Variants in PARD3B observed in about 807,000 individuals in gnomAD.
PARD3B encodes partitioning defective 3 homolog B.
Under a neutral mutation model 130.2 loss-of-function variants are expected in PARD3B, and 103 were observed. The observed-to-expected ratio is 0.79, with a 90% CI of 0.67 to 0.93. The LOEUF is 0.93. PARD3B is among the 40% of genes least tolerant of loss of function. The pLI is 0.00. For missense variants in PARD3B, 1,609 were observed against 1,499.2 expected, an observed-to-expected ratio of 1.07 and a Z score of -1.21; for synonymous variants, 583 against 553.2, an observed-to-expected ratio of 1.05 and a Z score of -0.76.
Position 205,530,983 on chromosome 2 carries a change from C to A in PARD3B, c.3181-22341C>A, listed in dbSNP as rs967747885. 6.6e-6 allele frequency among the ~76,000 whole-genome samples: 1 copy of A among 152,174 alleles called. No individual in the cohort carries two copies. The highest frequency in any genetic ancestry group is 1.5e-5 in the Non-Finnish European group (1 of 68,026). On this transcript the variant is annotated intron_variant, in intron 21 of 22. Transcript: ENST00000406610. The surrounding 1 kb of genome is among the most constrained non-coding windows in gnomAD (Gnocchi z 4.7). ...GATCTGAAAGGTAAGATTTCAATAT[C>A]TGTATGTAGACTGTGACCTTTGCAA... is the stretch of plus-strand genomic sequence containing the variant.
At chr2:205,084,788 C>A (rs1413928535) in intron 4 of PARD3B, among the ~76,000 whole-genome samples, 1 of 151,776 alleles carries the variant, frequency 6.6e-6, no homozygotes, top group African/African-American at 2.4e-5. Flanking sequence ...TTTATGGGCT[C>A]TTTAGTGTCT....
intron 2 of PARD3B, among the ~76,000 whole-genome samples, chr2:204,742,284 T>C (rs2040042380): frequency 6.6e-6 from 1 of 152,212 alleles, no homozygotes; most frequent in Non-Finnish European, 1.5e-5. Context: ...TTTTCTTGAT[T>C]TTTACATTAA....
chr2:204,897,663 A>G lies in PARD3B; in HGVS notation c.223-67489A>G, dbSNP rs1395482063. Among the ~76,000 whole-genome samples the G allele has an allele frequency of 2.6e-5, 4 of 152,230 alleles. No homozygotes were observed. The East Asian group carries it at 7.7e-4, about 29-fold the overall frequency. On this transcript the variant is annotated intron_variant, in intron 2 of 22. Transcript: ENST00000406610. ...AGTCAAGATACAGAACAGTTTTGTC[A>G]CCACAAAGATTCCTTGTTAAAATTC...
At chr2:205,056,220 A>G (rs1336772228) in intron 4 of PARD3B, among the ~76,000 whole-genome samples, 1 of 149,890 alleles carries the variant, frequency 6.7e-6, no homozygotes, top group Non-Finnish European at 1.5e-5. Flanking sequence ...TTTTTTTTTT[A>G]TCACAGCATA....
chr2:204,654,014 C>T (rs1188889023), intron 1 of PARD3B, among the ~76,000 whole-genome samples: 5 of 151,042 alleles, frequency 3.3e-5, no homozygotes, highest in Non-Finnish European at 1.5e-5. Flanking sequence ...AGTTTAAAAA[C>T]TTCTGCAATA....
chr2:204,904,035 A>G (rs2046959438), intron 2 of PARD3B, among the ~76,000 whole-genome samples: 1 of 152,160 alleles, frequency 6.6e-6, no homozygotes, highest in Non-Finnish European at 1.5e-5. Context: ...GAGTTTTGAA[A>G]TCTTCCCATC....
At chr2:204,618,725 G>C (rs1353688255) in intron 1 of PARD3B, among the ~76,000 whole-genome samples, 1 of 152,108 alleles carries the variant, frequency 6.6e-6, no homozygotes, top group African/African-American at 2.4e-5. Flanking sequence ...CTTTTGACAT[G>C]AGAAAGGACT....
intron 11 of PARD3B, 34 bp from the exon 12 acceptor site, chr2:205,172,177 C>T (rs1224883438): frequency 2.5e-6 from 4 of 1,602,678 alleles, no homozygotes; most frequent in Non-Finnish European, 3.4e-6. Context: ...ATACTTTTCT[C>T]TGTTGAATAT....
intron 18 of PARD3B, among the ~76,000 whole-genome samples, chr2:205,310,081 CTCT>C (rs1457079653): frequency 7.3e-6 from 1 of 136,844 alleles, no homozygotes; most frequent in Non-Finnish European, 1.5e-5. Context: ...TTAAAATCTA[CTCT>C]TTTTTTTTTT....
intron 1 of PARD3B, among the ~76,000 whole-genome samples, chr2:204,605,714 A>T (rs1268923439): frequency 6.6e-6 from 1 of 152,146 alleles, no homozygotes. Context: ...TGTCATCCGT[A>T]AAAAAGAGAA....
At chr2:205,311,957 A>T (rs888635441) in intron 18 of PARD3B, among the ~76,000 whole-genome samples, 2 of 152,184 alleles carry the variant, frequency 1.3e-5, no homozygotes, top group Non-Finnish European at 1.5e-5. Context: ...TAGTTATTTC[A>T]TCAGGCTGCT....
At chr2:205,380,941 TA>T (rs2045383898) in intron 18 of PARD3B, among the ~76,000 whole-genome samples, 2 of 70,468 alleles carry the variant, frequency 2.8e-5, no homozygotes, top group South Asian at 3.7e-4. Flanking sequence ...AAAGAATATA[TA>T]TAATATATAA....
chr2:204,849,016 G>T (rs1575127055), intron 2 of PARD3B, among the ~76,000 whole-genome samples: 3 of 152,166 alleles, frequency 2.0e-5, no homozygotes, highest in South Asian at 2.1e-4. Context: ...TTTCTGTCAT[G>T]ATTGTATCAT....
At position 205,527,680 on chromosome 2, in the gene PARD3B, ACCTCCCCTGCAG is replaced by A. The variant is rs2051398406; in HGVS notation, c.3181-25638_3181-25627del. Reference sequence around the variant, plus strand: ...ATAACCTTCATCAGGGTCTGTCTCAACCTCCCCTGCAGCCTCCTTTCATTCTTCGTATCCGAT... The same window carrying A: ...ATAACCTTCATCAGGGTCTGTCTCAACCTCCTTTCATTCTTCGTATCCGAT... On this transcript the variant is annotated intron_variant, in intron 21 of 22. Transcript: ENST00000406610. Among the ~76,000 whole-genome samples the A allele has an allele frequency of 5.3e-5, 8 of 152,056 alleles. No individual in the cohort carries two copies. In the South Asian group the frequency reaches 1.7e-3, roughly 32 times the overall value.
intron 11 of PARD3B, among the ~76,000 whole-genome samples, chr2:205,170,701 C>T (rs964610969): frequency 1.3e-5 from 2 of 152,118 alleles, no homozygotes; most frequent in East Asian, 1.9e-4. Flanking sequence ...CCGAGTTTAA[C>T]GACCCGTCTG....
At chr2:204,582,404 A>G (rs1175868229) in intron 1 of PARD3B, among the ~76,000 whole-genome samples, 1 of 152,174 alleles carries the variant, frequency 6.6e-6, no homozygotes, top group Non-Finnish European at 1.5e-5. Flanking sequence ...TTCTTAAGGA[A>G]AGATAAAAGT....
intron 21 of PARD3B, among the ~76,000 whole-genome samples, chr2:205,535,337 T>C (rs2051800353): frequency 6.6e-6 from 1 of 152,176 alleles, no homozygotes; most frequent in South Asian, 2.1e-4. Flanking sequence ...GTACTCAGAC[T>C]CTTTATTTGG....
intron 21 of PARD3B, among the ~76,000 whole-genome samples, chr2:205,513,130 T>C (rs554927674): frequency 6.6e-6 from 1 of 152,062 alleles, no homozygotes; most frequent in African/African-American, 2.4e-5. Context: ...TCAGAGACTC[T>C]CATTTCAGAG....
Position 205,360,914 on chromosome 2 carries a change from A to AT in PARD3B, c.2631-40090dup, listed in dbSNP as rs1006632160. Among the ~76,000 whole-genome samples, 189 of 151,258 alleles carry AT rather than the reference A, an allele frequency of 1.2e-3. 1 individual carries two copies. The highest frequency in any genetic ancestry group is 4.4e-3 in the African/African-American group (181 of 41,174). Reference sequence around the variant, plus strand: ...TCCACTCAGTCTCATTGGTGTCTTTATTTTTTTTTCTTGTGTCAGTATCCA... The same window carrying AT: ...TCCACTCAGTCTCATTGGTGTCTTTATTTTTTTTTTCTTGTGTCAGTATCCA... On this transcript the variant is annotated intron_variant, in intron 18 of 22. Transcript: ENST00000406610.
Sources: gnomAD v4.1 joint callset for allele counts (sites outside exome capture counted in the v4.1 genomes callset) on GRCh38, gnomAD v4.1.1 for gene constraint, Gnocchi (gnomAD v3.1) non-coding constraint, MANE v1.5 for transcripts, NCBI Gene and HGNC (gene_info 2026-07-23, HGNC 2026-07-21) for gene names.